The following FER variants were observed in gnomAD, a reference collection of about 807,000 sequenced individuals.
FER encodes the protein tyrosine-protein kinase Fer.
FER carries 63 observed loss-of-function variants against 111.0 expected under a neutral mutation model. That is an observed-to-expected ratio of 0.57 (90% CI 0.46 to 0.70). The LOEUF is 0.70. Among genes scored for constraint, FER ranks in the 30% least tolerant of loss-of-function variants. FER has a pLI of 0.00. For synonymous variants in FER, 327 were observed against 313.9 expected (o/e 1.04, Z -0.44); for missense variants, 914 against 954.0 (o/e 0.96, Z 0.55).
At chr5:108,897,905 T>C (rs1041977419) in intron 10 of FER, 57 bp downstream of exon 10, 3 of 1,384,662 alleles carry the variant, frequency 2.2e-6, no homozygotes, top group Admixed American at 2.4e-5. Context: ...AGGTAATAAG[T>C]GCATACAAAA....
chr5:108,954,953 A>C, intron 12 of FER, 21 bp downstream of exon 12: 1 of 1,583,546 alleles, frequency 6.3e-7, no homozygotes, highest in Non-Finnish European at 8.6e-7. Context: ...AGTTTAGTTC[A>C]TATGTATATT....
chr5:108,763,386 G>GT (rs1283387453), intron 1 of FER, among the ~76,000 whole-genome samples: 1 of 152,174 alleles, frequency 6.6e-6, no homozygotes, highest in Non-Finnish European at 1.5e-5. Flanking sequence ...ACAAAACAAT[G>GT]TGATGAGGGC....
chr5:108,959,063 A>G (rs1310395453), intron 12 of FER, among the ~76,000 whole-genome samples, 162 bp from the exon 13 acceptor site: 3 of 151,932 alleles, frequency 2.0e-5, no homozygotes, highest in Non-Finnish European at 4.4e-5. Flanking sequence ...TTATATTTTT[A>G]TCATCTTAAC....
chr5:108,880,490 T>A (rs1765570079), intron 8 of FER, among the ~76,000 whole-genome samples: 1 of 152,122 alleles, frequency 6.6e-6, no homozygotes, highest in Non-Finnish European at 1.5e-5. Flanking sequence ...CAGCAAAGCA[T>A]TATGTGTTAT....
At chr5:109,067,210 G>A (rs1029335184) in intron 16 of FER, among the ~76,000 whole-genome samples, 1 of 151,530 alleles carries the variant, frequency 6.6e-6, no homozygotes, top group Non-Finnish European at 1.5e-5. Flanking sequence ...TCGTGTGTTA[G>A]GGAGTGGAGT....
At chr5:108,826,253 G>A (rs1444887361) in intron 3 of FER, among the ~76,000 whole-genome samples, 1 of 152,112 alleles carries the variant, frequency 6.6e-6, no homozygotes, top group Non-Finnish European at 1.5e-5. Flanking sequence ...CGTGTATGTT[G>A]AACCATGCTT....
chr5:108,777,280 T>A (rs970023472), intron 2 of FER, among the ~76,000 whole-genome samples: 10 of 152,224 alleles, frequency 6.6e-5, no homozygotes, highest in African/African-American at 9.6e-5. Flanking sequence ...GTAATAGAAT[T>A]TTTTTAGAGC....
intron 5 of FER, among the ~76,000 whole-genome samples, chr5:108,839,572 CTTTTTTTT>C (rs1232820003): frequency 1.1e-5 from 1 of 94,734 alleles, no homozygotes; most frequent in Non-Finnish European, 2.0e-5. Flanking sequence ...ATGCCATTTT[CTTTTTTTT>C]TTTTTTTTTT....
chr5:108,881,543 C>T (rs1765676214), intron 8 of FER, among the ~76,000 whole-genome samples: 1 of 152,114 alleles, frequency 6.6e-6, no homozygotes, highest in African/African-American at 2.4e-5. Flanking sequence ...CAAACCATAT[C>T]AGACTGTCAT....
At chr5:108,978,003 C>T (rs1429582898) in intron 13 of FER, among the ~76,000 whole-genome samples, 11 of 152,204 alleles carry the variant, frequency 7.2e-5, no homozygotes, top group South Asian at 6.2e-4. Flanking sequence ...CATGCCACCA[C>T]GATTGGCTAA....
At chr5:109,063,517 A>G (rs1561846971) in intron 16 of FER, among the ~76,000 whole-genome samples, 3 of 152,306 alleles carry the variant, frequency 2.0e-5, no homozygotes, top group East Asian at 3.9e-4. Context: ...CATACTCACT[A>G]AAAGAGAATC....
At chr5:108,990,127 T>C (rs1763002286) in intron 13 of FER, among the ~76,000 whole-genome samples, 1 of 151,922 alleles carries the variant, frequency 6.6e-6, no homozygotes, top group Admixed American at 6.6e-5. Flanking sequence ...CTTCTTAACA[T>C]TAGTGTATAT....
chr5:109,095,185 C>T (rs539930118), intron 16 of FER, among the ~76,000 whole-genome samples: 7 of 152,126 alleles, frequency 4.6e-5, no homozygotes, highest in Admixed American at 4.6e-4. Context: ...ATTAGGAAAC[C>T]CACACATTCA....
At position 108,954,820 on chromosome 5, in the gene FER, T is replaced by TA. The variant is rs1161653312; in HGVS notation, c.1428dup (p.Gln477ThrfsTer15). 5.6e-6 allele frequency: 9 copies of TA among 1,612,502 alleles called. No individual in the cohort carries two copies. The highest frequency in any genetic ancestry group is 7.6e-6 in the Non-Finnish European group (9 of 1,179,164). On this transcript the variant is annotated frameshift_variant, in exon 12 of 20. Transcript: ENST00000281092. LOFTEE classifies it high-confidence loss of function. ...CCCAGAATAGAAGCTCAAGAACTGT[T>TA]AAAAAAACAAGGAGACTTTTTGGTG...
chr5:108,860,034 C>G (rs953734199), intron 5 of FER, among the ~76,000 whole-genome samples: 1 of 151,368 alleles, frequency 6.6e-6, no homozygotes, highest in African/African-American at 2.4e-5. Context: ...CTCCACCTCC[C>G]GGGTTCCAGT....
chr5:109,059,589 A>G (rs1774119361), intron 16 of FER, among the ~76,000 whole-genome samples: 1 of 152,208 alleles, frequency 6.6e-6, no homozygotes, highest in South Asian at 2.1e-4. Context: ...TTCTTTGCTT[A>G]GTTCCTCTCT....
intron 3 of FER, among the ~76,000 whole-genome samples, chr5:108,813,994 A>G (rs1190042448): frequency 6.6e-6 from 1 of 152,152 alleles, no homozygotes; most frequent in African/African-American, 2.4e-5. Context: ...CAAGTCGTAA[A>G]TATCTCTAGT....
chr5:109,067,793 A>G (rs1775294837), intron 16 of FER, among the ~76,000 whole-genome samples: 1 of 152,304 alleles, frequency 6.6e-6, no homozygotes, highest in South Asian at 2.1e-4. Flanking sequence ...GAACATTCCC[A>G]AAAATTTATA....
At chr5:108,989,157 G>A (rs892826649) in intron 13 of FER, among the ~76,000 whole-genome samples, 1 of 151,910 alleles carries the variant, frequency 6.6e-6, no homozygotes, top group African/African-American at 2.4e-5. Context: ...CCAGGAGTCA[G>A]TCCTACTGAA....
Sources: allele counts gnomAD v4.1 joint callset (sites outside exome capture counted in the v4.1 genomes callset), GRCh38; gene constraint gnomAD v4.1.1; transcripts MANE v1.5; gene names NCBI Gene and HGNC (gene_info 2026-07-23, HGNC 2026-07-21).